The following BICRA variants were observed in gnomAD, a reference collection of about 807,000 sequenced individuals.
BICRA encodes the protein BRD4-interacting chromatin-remodeling complex-associated protein.
In BICRA, 31 loss-of-function variants were observed where a neutral mutation model predicts 96.9. That is an observed-to-expected ratio of 0.32 (90% confidence interval 0.24 to 0.43). The LOEUF is 0.43. Among genes scored for constraint, BICRA ranks in the 20% least tolerant of loss-of-function variants. BICRA has a pLI of 1.00. For synonymous variants in BICRA, 1,350 were observed against 1,071.8 expected (o/e 1.26, Z -5.07); for missense variants, 2,283 against 2,190.3 (o/e 1.04, Z -0.84).
chr19:47,621,627 C>T (rs910163456), intron 1 of BICRA, among the ~76,000 whole-genome samples: 8 of 150,738 alleles, frequency 5.3e-5, no homozygotes, highest in African/African-American at 2.0e-4. Context: ...GCACATGCCA[C>T]CACACCCGGC....
chr19:47,660,096 G>T (rs115512091), intron 1 of BICRA, among the ~76,000 whole-genome samples: 1 of 152,074 alleles, frequency 6.6e-6, no homozygotes, highest in Admixed American at 6.6e-5. Context: ...AACTATTCTC[G>T]TATAGTTCCA....
intron 7 of BICRA, 73 bp from the exon 8 acceptor site, chr19:47,694,042 G>T: frequency 2.1e-6 from 3 of 1,434,714 alleles, no homozygotes; most frequent in Non-Finnish European, 2.7e-6. Flanking sequence ...GGGGACCCCA[G>T]TGTCTTGGGG....
chr19:47,648,683 GTT>G (rs1303951301), intron 1 of BICRA, among the ~76,000 whole-genome samples: 1 of 138,714 alleles, frequency 7.2e-6, no homozygotes, highest in Middle Eastern at 3.3e-3. Flanking sequence ...TTTTTTGTTT[GTT>G]TTTTTTTTTT....
In BICRA at chr19:47,645,228, C is replaced by T. The variant is rs148357829; in HGVS notation, c.-107-25215C>T. 1.3e-4 allele frequency among the ~76,000 whole-genome samples: 20 copies of T among 152,294 alleles called. 1 individual carries two copies. The South Asian group carries it at 4.1e-3, about 32-fold the overall frequency. On this transcript the variant is annotated intron_variant, in intron 1 of 14. Transcript: ENST00000594866. ...CTTCATTCTGGAGGGTTTCCTCAGC[C>T]TTTCTTTGTGTTTCATGACGTTGAC...
intron 1 of BICRA, among the ~76,000 whole-genome samples, chr19:47,657,408 T>C (rs1459941469): frequency 6.6e-6 from 1 of 151,748 alleles, no homozygotes; most frequent in Non-Finnish European, 1.5e-5. Context: ...AATTTTTTTT[T>C]TTTTTTGAGA....
In BICRA at chr19:47,679,642, G is replaced by T. The variant is rs1410317356; in HGVS notation, c.472G>T (p.Ala158Ser). ...AGCGGCCGTGGCTGCGGGGCCCCAA[G>T]CCCTCTTCCCAGGCAGCACCGACCT... ...GAAAVAAGPQ[A>S]LFPGSTDLLG... The change falls in exon 6 of 15, where the codon GCC becomes TCC. Residue 158 changes from alanine to serine, a missense_variant. Physicochemically the swap from Ala to Ser is moderately conservative, Grantham distance 99. Coordinates refer to ENST00000594866, the MANE Select transcript of BICRA (RefSeq NM_001394372.1). 4 of 1,512,756 alleles carry T rather than the reference G, an allele frequency of 2.6e-6. No individual in the cohort carries two copies. In the South Asian group the frequency reaches 3.8e-5, roughly 14 times the overall value. 93.7% of individuals were successfully genotyped at this position (1,512,756 alleles called of 1,614,324 possible).
At chr19:47,651,806 A>G (rs567709023) in intron 1 of BICRA, among the ~76,000 whole-genome samples, 84 of 152,286 alleles carry the variant, frequency 5.5e-4, no homozygotes, top group African/African-American at 2.0e-3. Context: ...AGACCTAGAG[A>G]AGGGTGGGCT....
In BICRA at chr19:47,698,757, C is replaced by A. The variant is rs747137187; in HGVS notation, c.3372C>A (p.Leu1124=). The A allele has an allele frequency of 1.2e-6, 2 of 1,608,848 alleles. No individual in the cohort carries two copies. The highest frequency in any genetic ancestry group is 2.7e-5 in the African/African-American group (2 of 74,830). Residue 1124 remains leucine (L), a synonymous_variant, in exon 12 of 15, where the codon CTC becomes CTA. Coordinates refer to ENST00000594866, the MANE Select transcript of BICRA (RefSeq NM_001394372.1). This position sits in a 1 kb window ranked among gnomAD's most constrained non-coding sequence, Gnocchi z 4.8. ...LLPYHVYQGA[L]PSPSDYHKVD... is the part of the protein sequence containing the mutation. Reference sequence around the variant, plus strand: ...CCTACCATGTCTACCAGGGCGCCCTCCCCTCCCCCAGTGACTACCACAAAG... The same window carrying A: ...CCTACCATGTCTACCAGGGCGCCCTACCCTCCCCCAGTGACTACCACAAAG...
At chr19:47,629,922 A>G (rs893976993) in intron 1 of BICRA, among the ~76,000 whole-genome samples, 13 of 152,322 alleles carry the variant, frequency 8.5e-5, no homozygotes, top group African/African-American at 2.9e-4. Flanking sequence ...CCTCTTCTCA[A>G]AATGCTGGGA....
At chr19:47,644,162 G>A (rs1972423528) in intron 1 of BICRA, among the ~76,000 whole-genome samples, 2 of 151,936 alleles carry the variant, frequency 1.3e-5, no homozygotes, top group Admixed American at 6.6e-5. Context: ...AGGACTACAG[G>A]TGTGCCCATG....
intron 1 of BICRA, among the ~76,000 whole-genome samples, chr19:47,641,070 A>AT (rs71180861): frequency 0.027 from 2,798 of 104,472 alleles, 60 homozygotes; most frequent in African/African-American, 0.057. Context: ...TGCCTGGCTA[A>AT]TTTTTTTTTT....
intron 1 of BICRA, chr19:47,663,462 T>G (rs1261443577): frequency 6.6e-6 from 1 of 152,154 alleles, no homozygotes; most frequent in Non-Finnish European, 1.5e-5. Context: ...CAGCCTCAGG[T>G]TTGTTGTCCC....
At chr19:47,654,757 AGC>A (rs1257659212) in intron 1 of BICRA, among the ~76,000 whole-genome samples, 3 of 151,204 alleles carry the variant, frequency 2.0e-5, no homozygotes, top group Non-Finnish European at 4.4e-5. Flanking sequence ...ATTCAAGACC[AGC>A]CTGGGCAACA....
chr19:47,698,185 T>C lies in BICRA; in HGVS notation c.3249-449T>C, dbSNP rs1013140552. 3.3e-5 allele frequency among the ~76,000 whole-genome samples: 5 copies of C among 152,084 alleles called. No homozygotes were observed. The highest frequency in any genetic ancestry group is 5.9e-5 in the Non-Finnish European group (4 of 68,002). On this transcript the variant is annotated intron_variant, in intron 11 of 14. Coordinates refer to ENST00000594866, the MANE Select transcript of BICRA (RefSeq NM_001394372.1). This position sits in a 1 kb window ranked among gnomAD's most constrained non-coding sequence, Gnocchi z 4.8. ...TCACACTGCCAACAGACAAAACCCATTGTAACATGGGCTACAAAAGCGGCC... is the reference window on the plus strand; with the variant it reads ...TCACACTGCCAACAGACAAAACCCACTGTAACATGGGCTACAAAAGCGGCC...
At chr19:47,669,211 C>T (rs1186561341) in intron 1 of BICRA, among the ~76,000 whole-genome samples, 2 of 151,980 alleles carry the variant, frequency 1.3e-5, no homozygotes, top group Non-Finnish European at 2.9e-5. Flanking sequence ...GGAGAAAATA[C>T]CTGTGTTAGA....
At chr19:47,629,409 A>G (rs1972187451) in intron 1 of BICRA, among the ~76,000 whole-genome samples, 1 of 152,224 alleles carries the variant, frequency 6.6e-6, no homozygotes, top group African/African-American at 2.4e-5. Flanking sequence ...TGCCAAATTT[A>G]AGTGGACTCC....
chr19:47,645,916 G>A (rs1972452152), intron 1 of BICRA, among the ~76,000 whole-genome samples: 1 of 152,112 alleles, frequency 6.6e-6, no homozygotes, highest in Admixed American at 6.6e-5. Flanking sequence ...GAGCAACAGA[G>A]TGAGACCCCG....
At chr19:47,614,569 A>G (rs551277054) in intron 1 of BICRA, among the ~76,000 whole-genome samples, 1 of 152,308 alleles carries the variant, frequency 6.6e-6, no homozygotes, top group Non-Finnish European at 1.5e-5. Context: ...GTGAGCCGAG[A>G]TTGCGGTAGC....
Position 47,673,555 on chromosome 19 carries a change from C to T in BICRA, c.-5-15C>T. Reference sequence around the variant, plus strand: ...CTTGTCTCCCTCGCCCTCTTCCTGACCCCACCCCATCCAGTGGCGATGGAT... The same window carrying T: ...CTTGTCTCCCTCGCCCTCTTCCTGATCCCACCCCATCCAGTGGCGATGGAT... On this transcript the variant is annotated splice_polypyrimidine_tract_variant and intron_variant, in intron 2 of 14. Coordinates refer to ENST00000594866, the MANE Select transcript of BICRA (RefSeq NM_001394372.1). 6.2e-7 allele frequency: 1 copy of T among 1,609,364 alleles called. No individual in the cohort carries two copies. The highest frequency in any genetic ancestry group is 1.3e-5 in the African/African-American group (1 of 74,964).
Sources: allele counts gnomAD v4.1 joint callset (sites outside exome capture counted in the v4.1 genomes callset), GRCh38; gene constraint gnomAD v4.1.1; non-coding constraint Gnocchi (gnomAD v3.1); transcripts MANE v1.5; gene names NCBI Gene and HGNC (gene_info 2026-07-23, HGNC 2026-07-21).